The following XRCC4 variants were observed in gnomAD, a reference collection of about 807,000 sequenced individuals.
The protein encoded by XRCC4 is DNA repair protein XRCC4.
A neutral mutation model predicts 39.1 loss-of-function variants in XRCC4; 28 were observed. The observed-to-expected ratio is 0.72, with a 90% confidence interval of 0.53 to 0.98. XRCC4 has a LOEUF of 0.98. Ranked by LOEUF, XRCC4 falls within the 50% of genes least tolerant of loss-of-function variation. The pLI is 0.00. For synonymous variants in XRCC4, 123 were observed against 126.4 expected (o/e 0.97, Z 0.18); for missense variants, 350 against 376.4 (o/e 0.93, Z 0.58).
chr5:83,282,174 G>C (rs1580461904), intron 7 of XRCC4, among the ~76,000 whole-genome samples: 1 of 152,194 alleles, frequency 6.6e-6, no homozygotes, highest in Admixed American at 6.5e-5. Flanking sequence ...TATGGCAAAT[G>C]GTTTGGGGAG....
At chr5:83,265,541 G>A (rs1482005734) in intron 7 of XRCC4, among the ~76,000 whole-genome samples, 1 of 152,108 alleles carries the variant, frequency 6.6e-6, no homozygotes, top group Non-Finnish European at 1.5e-5. Context: ...CTTCAAAGAT[G>A]ATTTATTAAT....
intron 6 of XRCC4, among the ~76,000 whole-genome samples, chr5:83,216,327 G>C (rs543934065): frequency 3.2e-4 from 48 of 152,256 alleles, no homozygotes; most frequent in African/African-American, 1.2e-3. Context: ...TGTAGGAAAG[G>C]ATGTGGCAAA....
At chr5:83,178,993 C>T (rs1319862201) in intron 3 of XRCC4, among the ~76,000 whole-genome samples, 1 of 152,176 alleles carries the variant, frequency 6.6e-6, no homozygotes, top group Non-Finnish European at 1.5e-5. Flanking sequence ...TCTTATTTAG[C>T]CTTCAAGTCT....
At chr5:83,099,799 A>G (rs1208275904) in intron 1 of XRCC4, among the ~76,000 whole-genome samples, 3 of 152,144 alleles carry the variant, frequency 2.0e-5, no homozygotes, top group Non-Finnish European at 4.4e-5. Context: ...TATAGCCCTA[A>G]TCAATCAGTC....
intron 7 of XRCC4, among the ~76,000 whole-genome samples, chr5:83,327,922 A>G (rs1373744652): frequency 6.6e-6 from 1 of 152,138 alleles, no homozygotes; most frequent in Non-Finnish European, 1.5e-5. Flanking sequence ...CAGTGCATGC[A>G]TAGCACAAAA....
intron 7 of XRCC4, among the ~76,000 whole-genome samples, chr5:83,323,528 T>A (rs1427937026): frequency 6.6e-6 from 1 of 152,074 alleles, no homozygotes; most frequent in African/African-American, 2.4e-5. Context: ...TAATTACCAA[T>A]TCCTCAAATT....
At chr5:83,137,247 T>G (rs1747943661) in intron 3 of XRCC4, among the ~76,000 whole-genome samples, 1 of 152,104 alleles carries the variant, frequency 6.6e-6, no homozygotes, top group Non-Finnish European at 1.5e-5. Context: ...AAAAGGGATA[T>G]TTTATATATG....
intron 3 of XRCC4, among the ~76,000 whole-genome samples, chr5:83,187,441 G>A (rs546728342): frequency 1.3e-5 from 2 of 152,138 alleles, no homozygotes; most frequent in South Asian, 4.1e-4. Flanking sequence ...ACTTTACTGT[G>A]GAAGGTAACA....
chr5:83,149,814 T>A (rs1165159815), intron 3 of XRCC4, among the ~76,000 whole-genome samples: 2 of 152,146 alleles, frequency 1.3e-5, no homozygotes, highest in Non-Finnish European at 2.9e-5. Context: ...TGGTATACTC[T>A]GTTACAACCC....
At chr5:83,205,794 C>T (rs1363398932) in intron 6 of XRCC4, among the ~76,000 whole-genome samples, 3 of 151,764 alleles carry the variant, frequency 2.0e-5, no homozygotes, top group Admixed American at 1.3e-4. Context: ...CCAGAGAAGG[C>T]GTTAGAAAGG....
intron 3 of XRCC4, among the ~76,000 whole-genome samples, chr5:83,159,329 A>T (rs986509193): frequency 9.9e-5 from 15 of 152,122 alleles, no homozygotes; most frequent in Admixed American, 9.2e-4. Context: ...GATGGGGTTG[A>T]TGGAGAACAT....
At chr5:83,123,247 A>G (rs1038857862) in intron 3 of XRCC4, among the ~76,000 whole-genome samples, 10 of 152,074 alleles carry the variant, frequency 6.6e-5, no homozygotes, top group African/African-American at 1.9e-4. Flanking sequence ...AAGCTTTGAC[A>G]TGCTCTCTTG....
At chr5:83,217,331 G>C (rs1190649805) in intron 6 of XRCC4, among the ~76,000 whole-genome samples, 1 of 143,718 alleles carries the variant, frequency 7.0e-6, no homozygotes, top group African/African-American at 2.8e-5. Context: ...CACTCTAGCC[G>C]GGGCAGCGCA....
intron 3 of XRCC4, among the ~76,000 whole-genome samples, chr5:83,155,713 C>T (rs988922338): frequency 6.6e-6 from 1 of 151,874 alleles, no homozygotes; most frequent in Non-Finnish European, 1.5e-5. Flanking sequence ...ATAATTTCAG[C>T]ATTTAGAATA....
chr5:83,180,606 C>T (rs530106249), intron 3 of XRCC4, among the ~76,000 whole-genome samples: 1 of 152,100 alleles, frequency 6.6e-6, no homozygotes, highest in Non-Finnish European at 1.5e-5. Flanking sequence ...AAGAACCTAC[C>T]GAATAGCATT....
intron 1 of XRCC4, among the ~76,000 whole-genome samples, chr5:83,083,986 T>G (rs571703055): frequency 2.0e-5 from 3 of 152,278 alleles, no homozygotes; most frequent in South Asian, 4.1e-4. Flanking sequence ...TTTACAAACT[T>G]ATATTATAAT....
At chr5:83,084,090 A>C (rs539012763) in intron 1 of XRCC4, among the ~76,000 whole-genome samples, 1 of 152,302 alleles carries the variant, frequency 6.6e-6, no homozygotes, top group South Asian at 2.1e-4. Context: ...GTAATCAGTG[A>C]ATGTTTTAAT....
intron 3 of XRCC4, among the ~76,000 whole-genome samples, chr5:83,123,843 TTTA>T (rs1350467734): frequency 1.3e-5 from 2 of 152,142 alleles, no homozygotes; most frequent in Non-Finnish European, 2.9e-5. Context: ...GGTCATACAT[TTTA>T]CTTCTACATA....
At chr5:83,324,823 TA>T (rs1320629175) in intron 7 of XRCC4, among the ~76,000 whole-genome samples, 1 of 152,136 alleles carries the variant, frequency 6.6e-6, no homozygotes, top group Non-Finnish European at 1.5e-5. Context: ...TGACTCAAGA[TA>T]ATATGCATAG....
Sources: gnomAD v4.1 joint callset for allele counts (sites outside exome capture counted in the v4.1 genomes callset) on GRCh38, gnomAD v4.1.1 for gene constraint, MANE v1.5 for transcripts, NCBI Gene and HGNC (gene_info 2026-07-23, HGNC 2026-07-21) for gene names.